DNER: variants seen among roughly 807,000 people sequenced by gnomAD.
DNER encodes the protein delta/notch like EGF repeat containing.
Under a neutral mutation model 78.2 loss-of-function variants are expected in DNER, and 33 were observed. That is an observed-to-expected ratio of 0.42 (90% CI 0.32 to 0.56). The LOEUF is 0.56. DNER is among the 20% of genes least tolerant of loss of function. The pLI is 0.11. For synonymous variants in DNER, 417 were observed against 384.8 expected (o/e 1.08, Z -0.98); for missense variants, 918 against 975.3 (o/e 0.94, Z 0.78).
At chr2:229,504,409 AG>A (rs1200613397) in intron 6 of DNER, among the ~76,000 whole-genome samples, 1 of 151,446 alleles carries the variant, frequency 6.6e-6, no homozygotes, top group Admixed American at 6.6e-5. Flanking sequence ...TAGTAGAGAG[AG>A]GGTTTCGCCA....
At chr2:229,547,231 G>T in intron 4 of DNER, 139 bp from the exon 5 acceptor site, 1 of 1,209,558 alleles carries the variant, frequency 8.3e-7, no homozygotes, top group Non-Finnish European at 1.1e-6. Context: ...ACAAAATGCA[G>T]TGAGGCAAGG....
At chr2:229,587,610 C>T (rs1179581546) in intron 3 of DNER, among the ~76,000 whole-genome samples, 2 of 152,186 alleles carry the variant, frequency 1.3e-5, no homozygotes, top group East Asian at 3.8e-4. Context: ...TCCCAGTCTT[C>T]TAAAAATCCC....
intron 6 of DNER, among the ~76,000 whole-genome samples, chr2:229,503,998 C>T (rs1695681351): frequency 6.6e-6 from 1 of 152,116 alleles, no homozygotes; most frequent in Admixed American, 6.5e-5. Context: ...CCCACCTTGG[C>T]CTCCCAAAGT....
chr2:229,671,586 G>A (rs925594505), intron 1 of DNER, among the ~76,000 whole-genome samples: 1 of 152,156 alleles, frequency 6.6e-6, no homozygotes, highest in Non-Finnish European at 1.5e-5. Context: ...TTTGTTCACT[G>A]TCCTATGCCC....
At chr2:229,463,620 T>C (rs34433763) in intron 7 of DNER, among the ~76,000 whole-genome samples, 58,350 of 151,702 alleles carry the variant, frequency 0.38, 13,044 homozygotes, top group African/African-American at 0.63. Flanking sequence ...TCAATTTTTT[T>C]ATGGAAATGT....
chr2:229,366,043 C>A (rs1332797381), intron 12 of DNER, among the ~76,000 whole-genome samples: 1 of 152,136 alleles, frequency 6.6e-6, no homozygotes, highest in African/African-American at 2.4e-5. Context: ...TCTGTTCATA[C>A]CATCTTTAAT....
intron 1 of DNER, among the ~76,000 whole-genome samples, chr2:229,624,531 C>A (rs1456710224): frequency 6.6e-6 from 1 of 151,742 alleles, no homozygotes; most frequent in Admixed American, 6.6e-5. Context: ...CTTTAAGAGA[C>A]TTTCCAAACT....
intron 1 of DNER, among the ~76,000 whole-genome samples, chr2:229,669,824 G>A (rs1194336400): frequency 3.9e-5 from 6 of 152,128 alleles, no homozygotes; most frequent in African/African-American, 1.4e-4. Flanking sequence ...ATAGAAAGAA[G>A]AAATGGGAAA....
intron 1 of DNER, among the ~76,000 whole-genome samples, chr2:229,684,167 AGAGTGTGT>A (rs1372697260): frequency 3.4e-4 from 35 of 103,250 alleles, no homozygotes; most frequent in Non-Finnish European, 5.0e-4. Flanking sequence ...AGAGAGAGAG[AGAGTGTGT>A]GTGTGTGTGT....
At chr2:229,637,911 A>T (rs1299706307) in intron 1 of DNER, among the ~76,000 whole-genome samples, 1 of 152,228 alleles carries the variant, frequency 6.6e-6, no homozygotes, top group Non-Finnish European at 1.5e-5. Context: ...TATTTCAAAA[A>T]TTACCAAGTT....
intron 4 of DNER, among the ~76,000 whole-genome samples, chr2:229,576,328 CTT>C (rs61419138): frequency 0.043 from 5,132 of 118,100 alleles, 90 homozygotes; most frequent in African/African-American, 0.068. Context: ...GTTTCTCTCT[CTT>C]TTTTTTTTTT....
In DNER at chr2:229,512,953, G is replaced by A. The variant is rs564134662; in HGVS notation, c.994-17C>T. On this transcript the variant is annotated splice_polypyrimidine_tract_variant and intron_variant, in intron 5 of 12. Coordinates refer to ENST00000341772, the MANE Select transcript of DNER (RefSeq NM_139072.4). ...AAAAGTTGCCTAAAACACAAAAAAA[G>A]CACAGTGTCTATTACCTGGCACCTC... 6 of 1,611,768 alleles carry A rather than the reference G, an allele frequency of 3.7e-6. No homozygotes were observed. The African/African-American group carries it at 5.3e-5, about 14-fold the overall frequency.
intron 7 of DNER, among the ~76,000 whole-genome samples, chr2:229,473,584 G>C (rs948865901): frequency 1.3e-5 from 2 of 152,194 alleles, no homozygotes; most frequent in Admixed American, 6.5e-5. Flanking sequence ...GTGAGTGATA[G>C]CTAAGTGTTG....
intron 1 of DNER, among the ~76,000 whole-genome samples, chr2:229,698,186 G>A (rs1028808397): frequency 6.6e-6 from 1 of 152,138 alleles, no homozygotes; most frequent in African/African-American, 2.4e-5. Context: ...ACTCCAGCCT[G>A]GGTGACAGAG....
At chr2:229,552,999 G>A (rs1222525101) in intron 4 of DNER, among the ~76,000 whole-genome samples, 1 of 152,218 alleles carries the variant, frequency 6.6e-6, no homozygotes, top group Non-Finnish European at 1.5e-5. Context: ...ACCAATGCAT[G>A]AAGAACCACC....
chr2:229,626,650 A>G (rs1262956481), intron 1 of DNER, among the ~76,000 whole-genome samples: 1 of 152,250 alleles, frequency 6.6e-6, no homozygotes, highest in East Asian at 1.9e-4. Context: ...AGCTTTTCCC[A>G]TATAAAGTAA....
At chr2:229,481,922 G>C (rs1695168781) in intron 6 of DNER, among the ~76,000 whole-genome samples, 1 of 152,162 alleles carries the variant, frequency 6.6e-6, no homozygotes, top group Non-Finnish European at 1.5e-5. Context: ...TTTCAGCCCT[G>C]GAAACCTATG....
intron 7 of DNER, among the ~76,000 whole-genome samples, chr2:229,472,635 TA>T (rs1383910862): frequency 3.9e-5 from 6 of 152,184 alleles, no homozygotes; most frequent in Non-Finnish European, 8.8e-5. Flanking sequence ...GTTTAAAACT[TA>T]AGGATTTCAA....
At chr2:229,603,372 C>A (rs539129441) in intron 1 of DNER, among the ~76,000 whole-genome samples, 1 of 152,022 alleles carries the variant, frequency 6.6e-6, no homozygotes, top group South Asian at 2.1e-4. Context: ...TGTAACAAAC[C>A]TGCATGTTGT....
Sources: gnomAD v4.1 joint callset for allele counts (sites outside exome capture counted in the v4.1 genomes callset) on GRCh38, gnomAD v4.1.1 for gene constraint, MANE v1.5 for transcripts, NCBI Gene and HGNC (gene_info 2026-07-23, HGNC 2026-07-21) for gene names.